The following GRID2 variants were observed in gnomAD, a reference collection of about 807,000 sequenced individuals.
The protein encoded by GRID2 is glutamate receptor ionotropic, delta-2.
A neutral mutation model predicts 114.8 loss-of-function variants in GRID2; 33 were observed. The ratio of observed to expected loss-of-function variants is 0.29; its 90% CI spans 0.22 to 0.38. The LOEUF (loss-of-function observed/expected upper bound fraction) is 0.38. Ranked by LOEUF, GRID2 falls within the 10% of genes least tolerant of loss-of-function variation. The pLI is 1.00. For synonymous variants in GRID2, 505 were observed against 449.9 expected, an observed-to-expected ratio of 1.12 and a Z score of -1.55; for missense variants, 1,184 against 1,257.7, an observed-to-expected ratio of 0.94 and a Z score of 0.89.
chr4:92,789,812 T>C lies in GRID2; in HGVS notation c.244+199526T>C, dbSNP rs934293867. Among the ~76,000 whole-genome samples, 11 of 152,056 alleles carry C rather than the reference T, an allele frequency of 7.2e-5. No homozygotes were observed. In the South Asian group the frequency reaches 1.2e-3, roughly 17 times the overall value. On this transcript the variant is annotated intron_variant, in intron 2 of 15. Coordinates refer to ENST00000282020, the MANE Select transcript of GRID2 (RefSeq NM_001510.4). ...TATCACACACGTCCACTGATTTCTT[T>C]ATATATTTTCAGTTTTATACTGTGT...
chr4:92,925,911 A>G (rs907969342), intron 2 of GRID2, among the ~76,000 whole-genome samples: 5 of 151,990 alleles, frequency 3.3e-5, no homozygotes, highest in African/African-American at 1.2e-4. Flanking sequence ...TTTAGATGTA[A>G]TATATAATGT....
intron 2 of GRID2, among the ~76,000 whole-genome samples, chr4:92,907,737 T>C (rs1311710751): frequency 6.6e-6 from 1 of 152,036 alleles, no homozygotes; most frequent in Non-Finnish European, 1.5e-5. Flanking sequence ...AAAACTTAAA[T>C]TTTCAGCTGG....
chr4:92,675,916 G>A (rs1312026128), intron 2 of GRID2, among the ~76,000 whole-genome samples: 1 of 151,844 alleles, frequency 6.6e-6, no homozygotes, highest in Non-Finnish European at 1.5e-5. Flanking sequence ...AAGCTGAAGT[G>A]GAGGTCACCT....
At chr4:93,006,325 G>A (rs1194294466) in intron 2 of GRID2, among the ~76,000 whole-genome samples, 1 of 152,040 alleles carries the variant, frequency 6.6e-6, no homozygotes, top group Non-Finnish European at 1.5e-5. Flanking sequence ...GAGAGGGGGA[G>A]ACCTAGCAGC....
chr4:93,511,240 A>G (rs995448033), intron 12 of GRID2, among the ~76,000 whole-genome samples: 20 of 152,138 alleles, frequency 1.3e-4, no homozygotes, highest in Admixed American at 7.9e-4. Context: ...CCTGGCCCCA[A>G]ATTAATTTTA....
chr4:92,639,361 T>A (rs1360063340), intron 2 of GRID2, among the ~76,000 whole-genome samples: 1 of 151,762 alleles, frequency 6.6e-6, no homozygotes, highest in Non-Finnish European at 1.5e-5. Context: ...ACAGTTAATA[T>A]AAAAACAAAT....
chr4:92,874,054 A>G (rs568141209), intron 2 of GRID2, among the ~76,000 whole-genome samples: 2 of 152,022 alleles, frequency 1.3e-5, no homozygotes, highest in African/African-American at 2.4e-5. Flanking sequence ...TGAAACTTCT[A>G]CTTCCCCCTA....
At chr4:93,747,010 A>C (rs1204880120) in intron 14 of GRID2, among the ~76,000 whole-genome samples, 2 of 152,064 alleles carry the variant, frequency 1.3e-5, no homozygotes, top group African/African-American at 4.8e-5. Flanking sequence ...GGTGTATTCC[A>C]AAGCTACATC....
chr4:92,743,309 A>G (rs1736987448), intron 2 of GRID2, among the ~76,000 whole-genome samples: 1 of 152,220 alleles, frequency 6.6e-6, no homozygotes, highest in East Asian at 1.9e-4. Flanking sequence ...CATCTAAAAA[A>G]TAGAATGATC....
At chr4:93,189,522 G>A (rs1740765925) in intron 4 of GRID2, among the ~76,000 whole-genome samples, 2 of 151,968 alleles carry the variant, frequency 1.3e-5, no homozygotes, top group Non-Finnish European at 2.9e-5. Context: ...AATTTTGGAG[G>A]GATACAAACA....
At chr4:92,579,569 A>T (rs1728074143) in intron 1 of GRID2, among the ~76,000 whole-genome samples, 1 of 151,914 alleles carries the variant, frequency 6.6e-6, no homozygotes, top group Non-Finnish European at 1.5e-5. Context: ...AGGTCTTGGA[A>T]CCCAGAGAGT....
chr4:92,976,405 A>T (rs1246706022), intron 2 of GRID2, among the ~76,000 whole-genome samples: 1 of 152,114 alleles, frequency 6.6e-6, no homozygotes, highest in African/African-American at 2.4e-5. Context: ...AGACAGATAC[A>T]CATGTACATT....
chr4:92,972,421 C>T (rs900416478), intron 2 of GRID2, among the ~76,000 whole-genome samples: 2 of 151,774 alleles, frequency 1.3e-5, no homozygotes, highest in African/African-American at 4.8e-5. Flanking sequence ...CTGTGGGGGA[C>T]ATGAATAAAC....
chr4:92,518,638 G>A (rs1724621939), intron 1 of GRID2, among the ~76,000 whole-genome samples: 1 of 151,532 alleles, frequency 6.6e-6, no homozygotes, highest in South Asian at 2.1e-4. Context: ...ACAACAATGG[G>A]AATACACTTG....
chr4:92,470,794 A>G (rs977107111), intron 1 of GRID2, among the ~76,000 whole-genome samples: 1 of 152,040 alleles, frequency 6.6e-6, no homozygotes, highest in Non-Finnish European at 1.5e-5. Context: ...GTTATGACTC[A>G]TAATACATAG....
intron 1 of GRID2, among the ~76,000 whole-genome samples, chr4:92,377,725 C>T (rs1157409576): frequency 6.6e-6 from 1 of 152,096 alleles, no homozygotes. Flanking sequence ...CAAGTCGTGT[C>T]ATGTCAAGTG....
intron 2 of GRID2, among the ~76,000 whole-genome samples, chr4:92,619,895 C>CTTT (rs538099604): frequency 0.043 from 6,451 of 151,344 alleles, 170 homozygotes; most frequent in East Asian, 0.094. Flanking sequence ...GTTACACATG[C>CTTT]CTTTTTTTTT....
intron 1 of GRID2, among the ~76,000 whole-genome samples, chr4:92,572,644 T>C (rs763551000): frequency 2.2e-4 from 34 of 152,084 alleles, no homozygotes; most frequent in Middle Eastern, 3.2e-3. Context: ...ATCCTGGAGA[T>C]TTGTGTATGT....
chr4:93,456,773 C>T (rs1160960588), intron 11 of GRID2, among the ~76,000 whole-genome samples: 1 of 152,180 alleles, frequency 6.6e-6, no homozygotes, highest in East Asian at 1.9e-4. Context: ...ATTTACAACT[C>T]TCAATAACAT....
Sources: allele counts gnomAD v4.1 joint callset (sites outside exome capture counted in the v4.1 genomes callset), GRCh38; gene constraint gnomAD v4.1.1; transcripts MANE v1.5; gene names NCBI Gene and HGNC (gene_info 2026-07-23, HGNC 2026-07-21).